NEMF: variants seen among roughly 807,000 people sequenced by gnomAD.
The protein encoded by NEMF is ribosome quality control complex subunit NEMF.
A neutral mutation model predicts 162.2 loss-of-function variants in NEMF; 89 were observed. That is an observed-to-expected ratio of 0.55 (90% CI 0.46 to 0.65). NEMF has a LOEUF of 0.65. NEMF is among the 30% of genes least tolerant of loss of function. The pLI is 0.00. For missense variants in NEMF, 1,133 were observed against 1,261.9 expected, an observed-to-expected ratio of 0.90 and a Z score of 1.55; for synonymous variants, 421 against 404.5, an observed-to-expected ratio of 1.04 and a Z score of -0.49.
At chr14:49,840,948 G>T in intron 4 of NEMF, 82 bp from the exon 5 acceptor site, 1 of 1,269,588 alleles carries the variant, frequency 7.9e-7, no homozygotes, top group Non-Finnish European at 1.1e-6. Context: ...TGTAACCCCA[G>T]CACTGTGGAA....
chr14:49,787,443 T>C (rs926679706), intron 28 of NEMF, among the ~76,000 whole-genome samples: 4 of 152,202 alleles, frequency 2.6e-5, no homozygotes, highest in Admixed American at 1.3e-4. Flanking sequence ...CCCAGCACTT[T>C]GGGAGGCCAA....
chr14:49,785,407 A>ATTTTTTATCTTTTCC lies in NEMF; in HGVS notation c.2929-102_2929-88dup, dbSNP rs1555344151. The ATTTTTTATCTTTTCC allele has an allele frequency of 3.8e-3, 3,271 of 868,732 alleles. 16 individuals are homozygous for ATTTTTTATCTTTTCC. The highest frequency in any genetic ancestry group is 5.1e-3 in the Non-Finnish European group (2,613 of 514,948). 53.8% of individuals were successfully genotyped at this position (868,732 alleles called of 1,614,324 possible). A position where few individuals can be genotyped will look rare whatever the true frequency, so the allele number is the denominator to read the frequency against. On this transcript the variant is annotated intron_variant, in intron 29 of 32. Coordinates refer to ENST00000298310, the MANE Select transcript of NEMF (RefSeq NM_004713.6). ...AACACTTGAATTAGTATCTCAACATATTTTTTATCTTTTCCTGATATACAT... is the reference window on the plus strand; with the variant it reads ...AACACTTGAATTAGTATCTCAACATATTTTTTATCTTTTCCTTTTTTATCTTTTCCTGATATACAT...
chr14:49,807,473 T>A (rs569120054), intron 18 of NEMF, among the ~76,000 whole-genome samples: 42 of 152,314 alleles, frequency 2.8e-4, no homozygotes, highest in African/African-American at 9.9e-4. Flanking sequence ...AGCAGCTGTA[T>A]CATTGTCCAT....
intron 28 of NEMF, among the ~76,000 whole-genome samples, chr14:49,788,139 C>G (rs1003659414): frequency 1.9e-4 from 29 of 151,990 alleles, no homozygotes; most frequent in Non-Finnish European, 3.7e-4. Context: ...ATAAGCCAGG[C>G]GTGATGGTGC....
chr14:49,819,369 T>C (rs1028629443), intron 16 of NEMF, among the ~76,000 whole-genome samples: 4 of 149,764 alleles, frequency 2.7e-5, no homozygotes, highest in African/African-American at 9.8e-5. Flanking sequence ...TGCATATGTA[T>C]ATAATAAAAA....
chr14:49,799,270 A>G (rs370335209), intron 25 of NEMF, among the ~76,000 whole-genome samples: 2 of 146,140 alleles, frequency 1.4e-5, no homozygotes, highest in African/African-American at 2.5e-5. Flanking sequence ...TACTAGGTCT[A>G]TTTCATTGAT....
chr14:49,793,992 G>A (rs921110157), intron 26 of NEMF, among the ~76,000 whole-genome samples: 6 of 151,508 alleles, frequency 4.0e-5, no homozygotes, highest in Non-Finnish European at 8.8e-5. Flanking sequence ...CTGTGGTACC[G>A]TTTTCACATG....
chr14:49,819,360 G>A (rs901581656), intron 16 of NEMF, among the ~76,000 whole-genome samples: 1 of 150,880 alleles, frequency 6.6e-6, no homozygotes, highest in African/African-American at 2.4e-5. Context: ...ATTTCATTAT[G>A]CATATGTATA....
intron 4 of NEMF, among the ~76,000 whole-genome samples, chr14:49,841,860 C>A (rs1893227968): frequency 6.6e-6 from 1 of 152,126 alleles, no homozygotes; most frequent in Non-Finnish European, 1.5e-5. Flanking sequence ...AATCCCAGCA[C>A]TGTGGGAGGC....
In NEMF at chr14:49,825,867, C is replaced by A; in HGVS notation, c.1577G>T (p.Trp526Leu). Residue 526 changes from tryptophan (W) to leucine (L), a missense_variant and splice_region_variant, in exon 16 of 33, where the codon TGG (tryptophan) becomes TTG (leucine). Coordinates refer to ENST00000298310, the MANE Select transcript of NEMF (RefSeq NM_004713.6). The stretch of plus-strand genomic sequence containing the variant: ...TATTTGAAAGAGACAGAACACTTAC[C>A]AATATACTTTTCTTGCTTTTTGAAT... ...TSIQKARKVY[W>L]FEKFLWFISS... The A allele has an allele frequency of 6.4e-7, 1 of 1,559,872 alleles. No homozygotes were observed. Among genetic ancestry groups the A allele is most frequent in the South Asian group, 1.1e-5 (1 of 88,032 alleles).
rs181758299 is a variant in NEMF, at chr14:49,816,757, G to A, written c.1578-1900C>T. Among the ~76,000 whole-genome samples, 4 of 152,262 alleles carry A rather than the reference G, an allele frequency of 2.6e-5. No individual in the cohort carries two copies. The East Asian group carries it at 7.7e-4, about 29-fold the overall frequency. On this transcript the variant is annotated intron_variant, in intron 16 of 32. Coordinates refer to ENST00000298310, the MANE Select transcript of NEMF (RefSeq NM_004713.6). Reference sequence around the variant, plus strand: ...AGTACATTTTCTTCATTGCTGAATGGATGCACTACACTTACTTAACCATTC... The same window carrying A: ...AGTACATTTTCTTCATTGCTGAATGAATGCACTACACTTACTTAACCATTC...
chr14:49,804,461 A>C (rs991186701), intron 19 of NEMF, among the ~76,000 whole-genome samples: 1 of 151,110 alleles, frequency 6.6e-6, no homozygotes, highest in African/African-American at 2.4e-5. Context: ...GTGGATTGTG[A>C]GGTCAGGAGT....
chr14:49,847,615 T>C (rs1893567327), intron 3 of NEMF, among the ~76,000 whole-genome samples: 1 of 152,102 alleles, frequency 6.6e-6, no homozygotes, highest in Non-Finnish European at 1.5e-5. Context: ...ATCTTCTACT[T>C]CTAATACATA....
At chr14:49,831,458 G>A in intron 10 of NEMF, 97 bp from the exon 11 acceptor site, 1 of 776,706 alleles carries the variant, frequency 1.3e-6, no homozygotes, top group East Asian at 2.5e-5. Flanking sequence ...TTTTTTTTGA[G>A]ACAGAGTCTC....
chr14:49,820,277 G>A (rs1243360107), intron 16 of NEMF: 4 of 383,254 alleles, frequency 1.0e-5, no homozygotes, highest in African/African-American at 4.2e-5. Context: ...GCAGGCAAGT[G>A]TCTGTGTGTT....
intron 18 of NEMF, 63 bp downstream of exon 18, chr14:49,813,923 TAC>T (rs904858403): frequency 1.0e-6 from 1 of 987,804 alleles, no homozygotes; most frequent in African/African-American, 1.6e-5. Context: ...ATTTTTGTCT[TAC>T]AGTCACACTA....
intron 4 of NEMF, 34 bp downstream of exon 4, chr14:49,846,106 T>C (rs1451894288): frequency 6.3e-7 from 1 of 1,591,690 alleles, no homozygotes; most frequent in Non-Finnish European, 8.6e-7. Flanking sequence ...TAATAAGAAA[T>C]TTTCCTTCAC....
chr14:49,844,333 T>C (rs1188028545), intron 4 of NEMF, among the ~76,000 whole-genome samples: 1 of 152,218 alleles, frequency 6.6e-6, no homozygotes, highest in African/African-American at 2.4e-5. Context: ...AAGAATCTAA[T>C]GCCACCACTG....
At chr14:49,850,111 C>CT (rs549757868) in intron 3 of NEMF, among the ~76,000 whole-genome samples, 4 of 149,142 alleles carry the variant, frequency 2.7e-5, no homozygotes, top group Admixed American at 6.7e-5. Context: ...AGGTGCCTTT[C>CT]TTTTTTTTTT....
Sources: allele counts gnomAD v4.1 joint callset (sites outside exome capture counted in the v4.1 genomes callset), GRCh38; gene constraint gnomAD v4.1.1; transcripts MANE v1.5; gene names NCBI Gene and HGNC (gene_info 2026-07-23, HGNC 2026-07-21).